The following NKD1 variants were observed in gnomAD, a reference collection of about 807,000 sequenced individuals.
NKD1 encodes NKD inhibitor of Wnt signaling pathway 1.
A neutral mutation model predicts 56.0 loss-of-function variants in NKD1; 21 were observed. The observed-to-expected ratio is 0.38, with a 90% CI of 0.27 to 0.54. NKD1 has a LOEUF of 0.54. NKD1 is among the 20% of genes least tolerant of loss of function. The probability of loss-of-function intolerance (pLI) is 0.82; values close to 1 mark genes in which losing one functional copy is unlikely to be tolerated. For synonymous variants in NKD1, 263 were observed against 265.7 expected (o/e 0.99, Z 0.10); for missense variants, 578 against 642.7 (o/e 0.90, Z 1.09).
Position 50,632,469 on chromosome 16 carries a change from G to A in NKD1, c.823+61G>A, listed in dbSNP as rs553642483. The A allele has an allele frequency of 1.5e-5, 23 of 1,568,406 alleles. No individual in the cohort carries two copies. Among genetic ancestry groups the A allele is most frequent in the Non-Finnish European group, 2.0e-5 (23 of 1,141,232 alleles). The stretch of plus-strand genomic sequence containing the variant: ...GGCAGGGCGTGGCTGGACGGGCCAG[G>A]CGGGCCGTGCGGGTGGTGTTCACTG... On this transcript the variant is annotated intron_variant, in intron 9 of 9. Coordinates refer to ENST00000268459, the MANE Select transcript of NKD1 (RefSeq NM_033119.5). The surrounding 1 kb of genome is among the most constrained non-coding windows in gnomAD (Gnocchi z 4.1).
At chr16:50,567,906 T>C (rs1022550113) in intron 3 of NKD1, among the ~76,000 whole-genome samples, 1 of 152,262 alleles carries the variant, frequency 6.6e-6, no homozygotes, top group African/African-American at 2.4e-5. Flanking sequence ...GCCTCTGCCA[T>C]ATTTCACTCC....
intron 3 of NKD1, among the ~76,000 whole-genome samples, chr16:50,576,647 GTGA>G (rs930872621): frequency 1.3e-5 from 2 of 152,000 alleles, no homozygotes; most frequent in Admixed American, 1.3e-4. Context: ...TTTTACGGTG[GTGA>G]TGATTTCATG....
At chr16:50,581,893 A>G (rs1196137447) in intron 3 of NKD1, among the ~76,000 whole-genome samples, 2 of 152,308 alleles carry the variant, frequency 1.3e-5, no homozygotes, top group South Asian at 2.1e-4. Context: ...TTCAGGAGGC[A>G]GAGAGCATGT....
chr16:50,625,594 C>T lies in NKD1; in HGVS notation c.462+14C>T, dbSNP rs1429680979. ...GTCACCCGAGAGGTGAGTGCACCTGCCTGGCCTCTTGCCGTGTATCATACC... is the reference window on the plus strand; with the variant it reads ...GTCACCCGAGAGGTGAGTGCACCTGTCTGGCCTCTTGCCGTGTATCATACC... On this transcript the variant is annotated intron_variant, in intron 6 of 9. Transcript: ENST00000268459. 2 of 1,562,930 alleles carry T rather than the reference C, an allele frequency of 1.3e-6. No homozygotes were observed. Among genetic ancestry groups the T allele is most frequent in the Admixed American group, 1.7e-5 (1 of 59,902 alleles).
chr16:50,567,233 A>T (rs562627338), intron 3 of NKD1, among the ~76,000 whole-genome samples: 1 of 152,308 alleles, frequency 6.6e-6, no homozygotes, highest in African/African-American at 2.4e-5. Context: ...GCATATGGCC[A>T]CTGAAGTGTT....
At chr16:50,622,901 G>A (rs1435015335) in intron 5 of NKD1, among the ~76,000 whole-genome samples, 1 of 152,178 alleles carries the variant, frequency 6.6e-6, no homozygotes. Context: ...GGAGCCTGGA[G>A]TGGGGTCAGG....
chr16:50,626,687 C>T (rs1962223850), intron 6 of NKD1, among the ~76,000 whole-genome samples: 1 of 152,188 alleles, frequency 6.6e-6, no homozygotes, highest in Admixed American at 6.5e-5. Flanking sequence ...CTGAGGGCAC[C>T]GCTGGAGGGT....
chr16:50,558,779 G>GGCA (rs1179002959), intron 3 of NKD1: 1 of 151,860 alleles, frequency 6.6e-6, no homozygotes, highest in East Asian at 1.9e-4. Flanking sequence ...CATGGTGGCA[G>GGCA]GCACCTGTAA....
At chr16:50,617,619 GC>G (rs977119224) in intron 4 of NKD1, among the ~76,000 whole-genome samples, 1 of 152,184 alleles carries the variant, frequency 6.6e-6, no homozygotes, top group Non-Finnish European at 1.5e-5. Context: ...ACTCCTCGTG[GC>G]TGTGGTGTGA....
Position 50,632,441 on chromosome 16 carries a change from G to A in NKD1, c.823+33G>A, listed in dbSNP as rs745849567. Reference sequence around the variant, plus strand: ...ACTCAAGCACCCTGCAATGGGCGATGAGGGCAGGGCGTGGCTGGACGGGCC... The same window carrying A: ...ACTCAAGCACCCTGCAATGGGCGATAAGGGCAGGGCGTGGCTGGACGGGCC... On this transcript the variant is annotated intron_variant, in intron 9 of 9. Transcript: ENST00000268459. This position sits in a 1 kb window ranked among gnomAD's most constrained non-coding sequence, Gnocchi z 4.1. The A allele has an allele frequency of 5.6e-6, 9 of 1,613,310 alleles. No individual in the cohort carries two copies. The Admixed American group carries it at 6.7e-5, about 12-fold the overall frequency.
intron 3 of NKD1, among the ~76,000 whole-genome samples, chr16:50,570,285 T>A (rs1433739735): frequency 6.6e-6 from 1 of 152,186 alleles, no homozygotes; most frequent in Non-Finnish European, 1.5e-5. Flanking sequence ...ATGGGGATGA[T>A]GTTGACCCCA....
intron 3 of NKD1, among the ~76,000 whole-genome samples, chr16:50,584,340 G>A (rs1040694861): frequency 4.6e-5 from 7 of 152,180 alleles, no homozygotes; most frequent in Non-Finnish European, 5.9e-5. Flanking sequence ...AGCAAGTCAC[G>A]TGGCTAAGCC....
rs776005604 is a variant in NKD1 at position 50,633,393 on chromosome 16, G to A, written c.1025G>A (p.Ser342Asn). ...QQRLRGTQDG[S>N]KHFVRSPKAQ... ...CGGCTCCGGGGCACCCAGGACGGGA[G>A]CAAGCACTTTGTGAGGTCCCCCAAG... is the stretch of plus-strand genomic sequence containing the variant. Residue 342 changes from serine to asparagine, a missense_variant, in exon 10 of 10, where the codon AGC becomes AAC. By Grantham distance (46) the Ser-to-Asn change is conservative (BLOSUM62 1). Coordinates refer to ENST00000268459, the MANE Select transcript of NKD1 (RefSeq NM_033119.5). This position sits in a 1 kb window ranked among gnomAD's most constrained non-coding sequence, Gnocchi z 4.9. The A allele has an allele frequency of 6.2e-7, 1 of 1,613,986 alleles. No homozygotes were observed. Among genetic ancestry groups the A allele is most frequent in the South Asian group, 1.1e-5 (1 of 91,062 alleles).
At chr16:50,553,140 C>T (rs2151261624) in intron 3 of NKD1, among the ~76,000 whole-genome samples, 1 of 152,278 alleles carries the variant, frequency 6.6e-6, no homozygotes, top group South Asian at 2.1e-4. Context: ...AGAAGAAAAC[C>T]AATTGGAAAC....
rs1962595411 is a variant in NKD1 at position 50,642,383 on chromosome 16, A to G, written c.*8602A>G. 2.0e-5 allele frequency: 3 copies of G among 152,288 alleles called. No homozygotes were observed. Among genetic ancestry groups the G allele is most frequent in the South Asian group, 2.1e-4 (1 of 4,836 alleles). 9.4% of individuals were successfully genotyped at this position (152,288 alleles called of 1,614,324 possible). On this transcript the variant is annotated 3_prime_UTR_variant, in exon 10 of 10. Coordinates refer to ENST00000268459, the MANE Select transcript of NKD1 (RefSeq NM_033119.5). ...ATCCTGTGCACTTGGCTTCATGGATAGAGTCTGAGAAGGTTGCAGGATCCA... is the reference window on the plus strand; with the variant it reads ...ATCCTGTGCACTTGGCTTCATGGATGGAGTCTGAGAAGGTTGCAGGATCCA...
chr16:50,552,837 A>G (rs1451216177), intron 3 of NKD1, among the ~76,000 whole-genome samples: 1 of 152,258 alleles, frequency 6.6e-6, no homozygotes, highest in Non-Finnish European at 1.5e-5. Flanking sequence ...TAAGAATGCT[A>G]GAGGCTCTCT....
chr16:50,572,269 G>C (rs1041001062), intron 3 of NKD1, among the ~76,000 whole-genome samples: 4 of 152,162 alleles, frequency 2.6e-5, no homozygotes, highest in African/African-American at 9.7e-5. Context: ...TTATTCACCT[G>C]TGGTGGCAGG....
At chr16:50,626,413 T>TTCCA in intron 6 of NKD1, among the ~76,000 whole-genome samples, 1 of 152,264 alleles carries the variant, frequency 6.6e-6, no homozygotes, top group Non-Finnish European at 1.5e-5. Flanking sequence ...AGAGACTGGC[T>TTCCA]GGAAGGTCCA....
chr16:50,625,433 G>A (rs374029280), intron 5 of NKD1, 52 bp from the exon 6 acceptor site: 7 of 1,283,734 alleles, frequency 5.5e-6, no homozygotes, highest in Non-Finnish European at 2.3e-6. Context: ...CCACTACCCA[G>A]TCAGTGTTGC....
Sources: allele counts gnomAD v4.1 joint callset (sites outside exome capture counted in the v4.1 genomes callset), GRCh38; gene constraint gnomAD v4.1.1; non-coding constraint Gnocchi (gnomAD v3.1); transcripts MANE v1.5; gene names NCBI Gene and HGNC (gene_info 2026-07-23, HGNC 2026-07-21).